RUNX3: variants seen among roughly 807,000 people sequenced by gnomAD.
RUNX3 encodes the protein runt-related transcription factor 3.
Under a neutral mutation model 27.7 loss-of-function variants are expected in RUNX3, and 10 were observed. The ratio of observed to expected loss-of-function variants is 0.36; its 90% CI spans 0.22 to 0.61. The LOEUF is 0.61. Among genes scored for constraint, RUNX3 ranks in the 20% least tolerant of loss-of-function variants. RUNX3 has a pLI of 0.72. For missense variants in RUNX3, 469 were observed against 629.5 expected, an observed-to-expected ratio of 0.75 and a Z score of 2.73; for synonymous variants, 270 against 269.2, an observed-to-expected ratio of 1.00 and a Z score of -0.03.
At chr1:24,920,809 T>C (rs1237317215) in intron 2 of RUNX3, among the ~76,000 whole-genome samples, 1 of 152,220 alleles carries the variant, frequency 6.6e-6, no homozygotes, top group African/African-American at 2.4e-5. Flanking sequence ...AGATTTACTT[T>C]CGACAGTCTT....
At chr1:24,944,227 C>T (rs1641549337) in intron 2 of RUNX3, among the ~76,000 whole-genome samples, 1 of 152,142 alleles carries the variant, frequency 6.6e-6, no homozygotes, top group Non-Finnish European at 1.5e-5. Flanking sequence ...CCACCCTCCA[C>T]CTCTCTGACC....
intron 2 of RUNX3, among the ~76,000 whole-genome samples, chr1:24,936,842 C>T (rs144737102): frequency 7.9e-5 from 12 of 152,178 alleles, no homozygotes; most frequent in Non-Finnish European, 1.3e-4. Flanking sequence ...TTTGGCCTTA[C>T]GCAGATGAAG....
chr1:24,920,371 C>T (rs1640975723), intron 2 of RUNX3, among the ~76,000 whole-genome samples: 1 of 152,086 alleles, frequency 6.6e-6, no homozygotes, highest in South Asian at 2.1e-4. Context: ...GGCGCGGATC[C>T]CTCTTGGAGT....
At chr1:24,931,193 G>T (rs1383695963), upstream of RUNX3, among the ~76,000 whole-genome samples, 1 of 152,266 alleles carries the variant, frequency 6.6e-6, no homozygotes, top group African/African-American at 2.4e-5. Context: ...CGCTTTCAGA[G>T]GAGAGAATTT....
intron 2 of RUNX3, among the ~76,000 whole-genome samples, chr1:24,959,602 C>T (rs535205994): frequency 3.9e-4 from 59 of 152,284 alleles, no homozygotes; most frequent in African/African-American, 1.4e-3. Flanking sequence ...GTGGAGCTTT[C>T]AGTGCTAAAA....
rs1305073030 is a variant in RUNX3 at position 24,900,714 on chromosome 1, G to C, written c.*1408C>G. Reference sequence around the variant, plus strand: ...CCCAGCCTCCTGGACAGATGTCCTAGAGCCACAGAGGAGAGATGCCCAGCG... The same window carrying C: ...CCCAGCCTCCTGGACAGATGTCCTACAGCCACAGAGGAGAGATGCCCAGCG... On this transcript the variant is annotated 3_prime_UTR_variant, in exon 5 of 5. Coordinates refer to ENST00000308873, the MANE Select transcript of RUNX3 (RefSeq NM_004350.3). The C allele has an allele frequency of 6.6e-6, 1 of 152,418 alleles. No homozygotes were observed. Among genetic ancestry groups the C allele is most frequent in the African/African-American group, 2.4e-5 (1 of 41,452 alleles). 9.4% of individuals were successfully genotyped at this position (152,418 alleles called of 1,614,324 possible).
In RUNX3 at chr1:24,902,745, T is replaced by A; in HGVS notation, c.704-79A>T. The stretch of plus-strand genomic sequence containing the variant: ...CTTCCTGAAGAATGACCTTGGGCTC[T>A]GGTTCCCAAGGCCCATCTGGGGGAC... On this transcript the variant is annotated intron_variant, in intron 4 of 4. Coordinates refer to ENST00000308873, the MANE Select transcript of RUNX3 (RefSeq NM_004350.3). This position sits in a 1 kb window ranked among gnomAD's most constrained non-coding sequence, Gnocchi z 9.2. 1 of 1,314,908 alleles carries A rather than the reference T, an allele frequency of 7.6e-7. No homozygotes were observed. The highest frequency in any genetic ancestry group is 1.0e-6 in the Non-Finnish European group (1 of 976,464). The allele number at this position is 1,314,908 out of a possible 1,614,324, so 81.5% of individuals were successfully genotyped here.
rs1393523230 is a variant in RUNX3 at position 24,964,896 on chromosome 1, T to C, written c.-158A>G. On this transcript the variant is annotated 5_prime_UTR_variant, in exon 1 of 7. Transcript: ENST00000338888. ...TAGCCACAAATTCTCAACAGAAGCG[T>C]ATGCAGAGTGTATCATTAGATGGCG... is the stretch of plus-strand genomic sequence containing the variant. The C allele has an allele frequency of 1.9e-5, 8 of 431,290 alleles. No homozygotes were observed. In the East Asian group the frequency reaches 4.1e-4, roughly 22 times the overall value. 26.7% of individuals were successfully genotyped at this position (431,290 alleles called of 1,614,324 possible).
intron 3 of RUNX3, among the ~76,000 whole-genome samples, chr1:24,917,807 G>A (rs1021003632): frequency 1.3e-5 from 2 of 152,184 alleles, no homozygotes; most frequent in African/African-American, 4.8e-5. Context: ...TCTACACCAT[G>A]GTGGTCTATG....
chr1:24,947,572 G>A (rs1641642052), intron 2 of RUNX3, among the ~76,000 whole-genome samples: 3 of 152,176 alleles, frequency 2.0e-5, no homozygotes, highest in Non-Finnish European at 2.9e-5. Context: ...TGAGCTAGGA[G>A]GGACCTGACG....
Position 24,962,808 on chromosome 1 carries a change from G to C in RUNX3, c.58+1706C>G, listed in dbSNP as rs998626669. Among the ~76,000 whole-genome samples the C allele has an allele frequency of 6.6e-6, 1 of 152,168 alleles. No individual in the cohort carries two copies. Among genetic ancestry groups the C allele is most frequent in the Non-Finnish European group, 1.5e-5 (1 of 68,006 alleles). On this transcript the variant is annotated intron_variant, in intron 2 of 6. Transcript: ENST00000338888. The surrounding 1 kb of genome is among the most constrained non-coding windows in gnomAD (Gnocchi z 4.5). ...TTGTGCTACTGCCAGCCACCTCCCA[G>C]GCTCCGAGGATCAGGACCCAGCCCA...
At chr1:24,964,639 C>T in exon 2 of RUNX3, 3 of 1,551,196 alleles carry the variant, frequency 1.9e-6, no homozygotes, top group Non-Finnish European at 2.6e-6. Flanking sequence ...ACTTGGTTGG[C>T]TGTTGTTTTA....
In RUNX3 at chr1:24,927,817, C is replaced by A; in HGVS notation, c.283-87G>T. The A allele has an allele frequency of 1.7e-6, 2 of 1,206,710 alleles. No homozygotes were observed. The highest frequency in any genetic ancestry group is 1.3e-5 in the South Asian group (1 of 79,964). 74.8% of individuals were successfully genotyped at this position (1,206,710 alleles called of 1,614,324 possible). On this transcript the variant is annotated intron_variant, in intron 1 of 4. Transcript: ENST00000308873. This position sits in a 1 kb window ranked among gnomAD's most constrained non-coding sequence, Gnocchi z 5.0. ...AAAGGAGGGGAGGGGCTGGGCTGGG[C>A]AGCTCCCCCAGGTCCCAGGCACACT...
intron 2 of RUNX3, among the ~76,000 whole-genome samples, chr1:24,959,702 G>A (rs998811802): frequency 6.6e-6 from 1 of 152,132 alleles, no homozygotes; most frequent in Non-Finnish European, 1.5e-5. Flanking sequence ...CTCCCTGTCC[G>A]GTGACCTCTG....
At chr1:24,953,410 A>AG (rs1641827742) in intron 2 of RUNX3, among the ~76,000 whole-genome samples, 1 of 151,790 alleles carries the variant, frequency 6.6e-6, no homozygotes, top group Non-Finnish European at 1.5e-5. Flanking sequence ...ATGAAAAAAA[A>AG]AAAAAAACAG....
At chr1:24,907,493 G>A (rs1640689867) in intron 3 of RUNX3, 76 bp from the exon 4 acceptor site, 1 of 1,459,568 alleles carries the variant, frequency 6.9e-7, no homozygotes, top group African/African-American at 1.4e-5. Context: ...CACTCTGCTG[G>A]GAAGTTCTTC....
intron 2 of RUNX3, among the ~76,000 whole-genome samples, chr1:24,950,972 C>G (rs1257264134): frequency 6.6e-6 from 1 of 152,022 alleles, no homozygotes; most frequent in East Asian, 1.9e-4. Context: ...CCTTGGGAGG[C>G]TGAGGTGGGT....
At chr1:24,907,575 A>G (rs185700659) in intron 3 of RUNX3, among the ~76,000 whole-genome samples, 158 bp from the exon 4 acceptor site, 1 of 152,314 alleles carries the variant, frequency 6.6e-6, no homozygotes, top group Non-Finnish European at 1.5e-5. Flanking sequence ...GAGGTTTTCA[A>G]AAGACTTTCT....
chr1:24,931,350 C>T (rs1641223758), upstream of RUNX3, among the ~76,000 whole-genome samples: 1 of 152,188 alleles, frequency 6.6e-6, no homozygotes, highest in Non-Finnish European at 1.5e-5. Flanking sequence ...CGCTCCCACT[C>T]CCAGCCGCGT....
Sources: allele counts gnomAD v4.1 joint callset (sites outside exome capture counted in the v4.1 genomes callset), GRCh38; gene constraint gnomAD v4.1.1; non-coding constraint Gnocchi (gnomAD v3.1); transcripts MANE v1.5; gene names NCBI Gene and HGNC (gene_info 2026-07-23, HGNC 2026-07-21).